The following NCAM2 variants were observed in gnomAD, a reference collection of about 807,000 sequenced individuals.
The protein encoded by NCAM2 is N-CAM-2.
NCAM2 carries 30 observed loss-of-function variants against 98.1 expected under a neutral mutation model. The ratio of observed to expected loss-of-function variants is 0.31; its 90% CI spans 0.23 to 0.41. NCAM2 has a LOEUF of 0.41. Among genes scored for constraint, NCAM2 ranks in the 10% least tolerant of loss-of-function variants. The pLI, the probability that NCAM2 is intolerant of heterozygous loss-of-function variation, is 1.00. For missense variants in NCAM2, 867 were observed against 1,005.8 expected, an observed-to-expected ratio of 0.86 and a Z score of 1.87; for synonymous variants, 368 against 342.4, an observed-to-expected ratio of 1.07 and a Z score of -0.83.
At chr21:21,296,735 G>A (rs185393423) in intron 5 of NCAM2, among the ~76,000 whole-genome samples, 12 of 151,712 alleles carry the variant, frequency 7.9e-5, no homozygotes, top group East Asian at 5.9e-4. Flanking sequence ...AGAGGAAGGC[G>A]TACAATAAAA....
chr21:21,170,982 C>CGT, intron 1 of NCAM2, among the ~76,000 whole-genome samples: 1 of 152,072 alleles, frequency 6.6e-6, no homozygotes, highest in Non-Finnish European at 1.5e-5. Flanking sequence ...GAACTTCTGC[C>CGT]TTTCATTTAA....
chr21:21,421,517 G>T (rs1482794700), intron 11 of NCAM2, among the ~76,000 whole-genome samples: 5 of 152,056 alleles, frequency 3.3e-5, no homozygotes, highest in Admixed American at 1.3e-4. Flanking sequence ...CAGACAGTCA[G>T]CCTTAGATGG....
At chr21:21,298,581 A>G (rs916245924) in intron 5 of NCAM2, among the ~76,000 whole-genome samples, 1 of 119,560 alleles carries the variant, frequency 8.4e-6, no homozygotes, top group Non-Finnish European at 1.8e-5. Context: ...TAGAGAAATG[A>G]TAGATACAGA....
At chr21:21,245,447 G>T (rs1255116003) in intron 1 of NCAM2, among the ~76,000 whole-genome samples, 1 of 152,102 alleles carries the variant, frequency 6.6e-6, no homozygotes, top group African/African-American at 2.4e-5. Flanking sequence ...ATCAGTTTTC[G>T]CTGTCCTTGG....
intron 1 of NCAM2, among the ~76,000 whole-genome samples, chr21:21,008,237 A>T (rs1239277851): frequency 6.6e-6 from 1 of 152,160 alleles, no homozygotes; most frequent in African/African-American, 2.4e-5. Context: ...GCACATTTTT[A>T]ATCTTGTTCG....
intron 1 of NCAM2, among the ~76,000 whole-genome samples, chr21:21,125,656 A>ATCTC (rs2066801570): frequency 7.3e-6 from 1 of 136,292 alleles, no homozygotes; most frequent in African/African-American, 2.7e-5. Flanking sequence ...GTATATGTAG[A>ATCTC]GATATATATA....
intron 1 of NCAM2, among the ~76,000 whole-genome samples, chr21:21,172,089 A>G (rs529196665): frequency 6.6e-6 from 1 of 152,226 alleles, no homozygotes; most frequent in East Asian, 1.9e-4. Context: ...CTCATCAAAT[A>G]TAGATCGTAT....
chr21:21,193,441 A>G (rs1212613481), intron 1 of NCAM2, among the ~76,000 whole-genome samples: 1 of 150,908 alleles, frequency 6.6e-6, no homozygotes. Flanking sequence ...AAAGTGAAAA[A>G]CCTCATAAAA....
At chr21:21,484,244 A>G (rs1186718334) in intron 15 of NCAM2, among the ~76,000 whole-genome samples, 1 of 152,178 alleles carries the variant, frequency 6.6e-6, no homozygotes, top group African/African-American at 2.4e-5. Flanking sequence ...GTTTTATACA[A>G]GATTTTAGCC....
chr21:21,135,783 A>G (rs1350401731), intron 1 of NCAM2, among the ~76,000 whole-genome samples: 1 of 152,126 alleles, frequency 6.6e-6, no homozygotes, highest in Admixed American at 6.5e-5. Flanking sequence ...TGGGACTCCA[A>G]GTTCATTAAG....
chr21:21,284,326 C>T lies in NCAM2; in HGVS notation c.263C>T (p.Ala88Val). 1 of 1,612,598 alleles carries T rather than the reference C, an allele frequency of 6.2e-7. No homozygotes were observed. Among genetic ancestry groups the T allele is most frequent in the Non-Finnish European group, 8.5e-7 (1 of 1,179,032 alleles). Residue 88 changes from alanine to valine, a missense_variant, in exon 3 of 18, where the codon GCA becomes GTA. Physicochemically the swap from Ala to Val is moderately conservative, Grantham distance 64. Around this residue, in one of 5 missense-constraint regions of NCAM2, gnomAD observed 447 missense variants for 495.7 expected, o/e 0.90. Transcript: ENST00000400546. ...ATCTACAATGCAAATATAGAAGATG[C>T]AGGGATATATCGTTGTCAAGCAACA... ...LTIYNANIED[A>V]GIYRCQATDA... is the part of the protein sequence containing the mutation.
chr21:21,144,906 T>C (rs1306101454), intron 1 of NCAM2, among the ~76,000 whole-genome samples: 2 of 152,156 alleles, frequency 1.3e-5, no homozygotes, highest in African/African-American at 2.4e-5. Flanking sequence ...GTACAACTGA[T>C]CTTTGAAATG....
chr21:21,416,175 T>C (rs2076990182), intron 10 of NCAM2, among the ~76,000 whole-genome samples: 1 of 152,134 alleles, frequency 6.6e-6, no homozygotes, highest in Non-Finnish European at 1.5e-5. Flanking sequence ...AATTTTAATA[T>C]TATTGTGTCT....
intron 1 of NCAM2, among the ~76,000 whole-genome samples, chr21:21,125,653 TAG>T (rs1189268355): frequency 7.3e-6 from 1 of 136,440 alleles, no homozygotes; most frequent in African/African-American, 2.7e-5. Flanking sequence ...CGTGTATATG[TAG>T]AGATATATAT....
chr21:21,099,822 C>G (rs889174596), intron 1 of NCAM2, among the ~76,000 whole-genome samples: 2 of 152,022 alleles, frequency 1.3e-5, no homozygotes, highest in African/African-American at 4.8e-5. Context: ...CCCAGTTCAC[C>G]TAACCCACCC....
chr21:21,255,388 C>T (rs1284396421), intron 1 of NCAM2, among the ~76,000 whole-genome samples: 1 of 152,196 alleles, frequency 6.6e-6, no homozygotes, highest in Non-Finnish European at 1.5e-5. Flanking sequence ...CAGGGCTTCA[C>T]CTTCTGTGAA....
Position 21,432,263 on chromosome 21 carries a change from CG to C in NCAM2, c.1637del (p.Arg546ProfsTer11). 1 of 1,613,830 alleles carries C rather than the reference CG, an allele frequency of 6.2e-7. No homozygotes were observed. The highest frequency in any genetic ancestry group is 8.5e-7 in the Non-Finnish European group (1 of 1,179,860). On this transcript the variant is annotated frameshift_variant, in exon 12 of 18. Coordinates refer to ENST00000400546, the MANE Select transcript of NCAM2 (RefSeq NM_004540.5). LOFTEE classifies it high-confidence loss of function. The part of the protein sequence containing the change: ...EVASEIWKIV[R>X]SHGVQTMVVL... Reference sequence around the variant, plus strand: ...AGCGTCAGAAATCTGGAAAATTGTACGCTCCCATGGAGTTCAAAGTGAGTCA... The same window carrying C: ...AGCGTCAGAAATCTGGAAAATTGTACCTCCCATGGAGTTCAAAGTGAGTCA...
intron 5 of NCAM2, among the ~76,000 whole-genome samples, chr21:21,312,055 A>C (rs1402455739): frequency 6.6e-6 from 1 of 152,154 alleles, no homozygotes; most frequent in Non-Finnish European, 1.5e-5. Flanking sequence ...AGGAGAGCTG[A>C]CAGCGAATTT....
chr21:21,347,933 C>G (rs1024326666), intron 8 of NCAM2, among the ~76,000 whole-genome samples: 5 of 151,912 alleles, frequency 3.3e-5, no homozygotes, highest in African/African-American at 1.2e-4. Flanking sequence ...TAAAAACACT[C>G]AAAAAACTGG....
Sources: allele counts gnomAD v4.1 joint callset (sites outside exome capture counted in the v4.1 genomes callset), GRCh38; gene constraint gnomAD v4.1.1; regional missense constraint gnomAD v4.1.1; transcripts MANE v1.5; gene names NCBI Gene and HGNC (gene_info 2026-07-23, HGNC 2026-07-21).